The following PLXNC1 variants were observed in gnomAD, a reference collection of about 807,000 sequenced individuals.
PLXNC1 encodes plexin-C1.
A neutral mutation model predicts 178.2 loss-of-function variants in PLXNC1; 75 were observed. The ratio of observed to expected loss-of-function variants is 0.42; its 90% CI spans 0.35 to 0.51. PLXNC1 has a LOEUF of 0.51. PLXNC1 is among the 20% of genes least tolerant of loss of function. The probability of loss-of-function intolerance (pLI) is 0.02; values close to 1 mark genes in which losing one functional copy is unlikely to be tolerated. For missense variants in PLXNC1, 1,503 were observed against 1,984.4 expected (o/e 0.76, Z 4.61); for synonymous variants, 790 against 779.9 (o/e 1.01, Z -0.22).
chr12:94,192,441 A>T (rs1592750639), intron 4 of PLXNC1, among the ~76,000 whole-genome samples: 1 of 151,550 alleles, frequency 6.6e-6, no homozygotes, highest in East Asian at 1.9e-4. Flanking sequence ...AATGTGTATC[A>T]GTTAGGTTTC....
intron 21 of PLXNC1, among the ~76,000 whole-genome samples, chr12:94,274,146 C>A (rs550110781): frequency 4.7e-4 from 53 of 113,576 alleles, no homozygotes; most frequent in African/African-American, 1.9e-3. Flanking sequence ...CACAGCAAGA[C>A]CCTGTCTCTA....
intron 9 of PLXNC1, among the ~76,000 whole-genome samples, chr12:94,230,072 T>C (rs553074417): frequency 1.2e-4 from 19 of 152,322 alleles, no homozygotes; most frequent in African/African-American, 3.6e-4. Context: ...CAGGTTGCCC[T>C]TTCACAGTCG....
chr12:94,184,985 G>A (rs73364619), intron 3 of PLXNC1, among the ~76,000 whole-genome samples: 4,084 of 152,276 alleles, frequency 0.027, 206 homozygotes, highest in African/African-American at 0.094. Flanking sequence ...TTGCATAATA[G>A]CAGTAACCAA....
intron 7 of PLXNC1, 33 bp downstream of exon 7, chr12:94,224,348 C>T (rs533983148): frequency 9.9e-6 from 11 of 1,106,842 alleles, no homozygotes; most frequent in Non-Finnish European, 1.4e-5. Context: ...AATATTCTCT[C>T]GTTGATCTTA....
intron 1 of PLXNC1, among the ~76,000 whole-genome samples, chr12:94,158,638 A>G (rs993976597): frequency 3.9e-5 from 6 of 152,212 alleles, no homozygotes; most frequent in Non-Finnish European, 7.3e-5. Flanking sequence ...CTCTACAAAA[A>G]TAAAAATAAA....
At chr12:94,277,548 G>A (rs1275376525) in intron 21 of PLXNC1, among the ~76,000 whole-genome samples, 1 of 152,152 alleles carries the variant, frequency 6.6e-6, no homozygotes, top group East Asian at 1.9e-4. Flanking sequence ...CATACACAGA[G>A]GTTACACAGC....
intron 21 of PLXNC1, among the ~76,000 whole-genome samples, chr12:94,268,197 C>T (rs1965361269): frequency 6.6e-6 from 1 of 152,196 alleles, no homozygotes; most frequent in Non-Finnish European, 1.5e-5. Context: ...TTTCACACCT[C>T]TCAGATGAGG....
At chr12:94,274,326 C>G (rs761261308) in intron 21 of PLXNC1, among the ~76,000 whole-genome samples, 10 of 151,994 alleles carry the variant, frequency 6.6e-5, no homozygotes, top group Non-Finnish European at 1.3e-4. Flanking sequence ...GAGTGAGACC[C>G]TGTCTATTAA....
Position 94,160,260 on chromosome 12 carries a change from A to G in PLXNC1, c.1063-8893A>G, listed in dbSNP as rs926704475. Among the ~76,000 whole-genome samples, 7 of 152,130 alleles carry G rather than the reference A, an allele frequency of 4.6e-5. No homozygotes were observed. In the East Asian group the frequency reaches 1.3e-3, roughly 29 times the overall value. On this transcript the variant is annotated intron_variant, in intron 1 of 30. Coordinates refer to ENST00000258526, the MANE Select transcript of PLXNC1 (RefSeq NM_005761.3). Reference sequence around the variant, plus strand: ...ACACATGGTGAGTGAGCCCTCAGTAAGTGTTTCTAGAACTGGAAAAAAGGT... The same window carrying G: ...ACACATGGTGAGTGAGCCCTCAGTAGGTGTTTCTAGAACTGGAAAAAAGGT...
At chr12:94,209,237 C>A (rs1030604999) in intron 4 of PLXNC1, among the ~76,000 whole-genome samples, 1 of 152,126 alleles carries the variant, frequency 6.6e-6, no homozygotes, top group Non-Finnish European at 1.5e-5. Flanking sequence ...CTGTTCTTTG[C>A]TAGGCATTTC....
intron 6 of PLXNC1, among the ~76,000 whole-genome samples, chr12:94,220,627 C>G (rs1162710982): frequency 1.3e-5 from 2 of 152,150 alleles, no homozygotes; most frequent in Non-Finnish European, 2.9e-5. Flanking sequence ...GTGACTCCCC[C>G]TTGCCCCTAA....
chr12:94,259,911 AAAAG>A (rs1236463967), intron 19 of PLXNC1, among the ~76,000 whole-genome samples, 177 bp downstream of exon 19: 18 of 152,250 alleles, frequency 1.2e-4, no homozygotes, highest in South Asian at 4.1e-4. Context: ...AAAAAAAAAA[AAAAG>A]AGAGAGAAAT....
chr12:94,249,719 T>G (rs1253629812), intron 14 of PLXNC1, among the ~76,000 whole-genome samples: 5 of 152,078 alleles, frequency 3.3e-5, no homozygotes, highest in Non-Finnish European at 5.9e-5. Context: ...GTTCCCACCT[T>G]TCCTGTTAGT....
intron 4 of PLXNC1, among the ~76,000 whole-genome samples, chr12:94,195,483 C>G (rs1962881890): frequency 6.6e-6 from 1 of 152,154 alleles, no homozygotes; most frequent in South Asian, 2.1e-4. Flanking sequence ...AAAATGGGCC[C>G]TACAGGAAAG....
In PLXNC1 at chr12:94,161,630, C is replaced by T. The variant is rs149505852; in HGVS notation, c.1063-7523C>T. On this transcript the variant is annotated intron_variant, in intron 1 of 30. Transcript: ENST00000258526. ...GAGCACACCTAAAGTACTGTGTTTACTTCTTAGAAGCACATTTTAAGTACA... is the reference window on the plus strand; with the variant it reads ...GAGCACACCTAAAGTACTGTGTTTATTTCTTAGAAGCACATTTTAAGTACA... 1.2e-3 allele frequency among the ~76,000 whole-genome samples: 181 copies of T among 152,292 alleles called. 1 individual carries two copies. The highest frequency in any genetic ancestry group is 3.4e-3 in the Middle Eastern group (1 of 294).
intron 11 of PLXNC1, among the ~76,000 whole-genome samples, chr12:94,242,799 A>G (rs902893205): frequency 8.5e-5 from 13 of 152,204 alleles, no homozygotes; most frequent in East Asian, 1.9e-4. Context: ...CAACAAATTT[A>G]TGAGATCTGC....
intron 4 of PLXNC1, among the ~76,000 whole-genome samples, chr12:94,195,360 C>T (rs527920426): frequency 3.9e-5 from 6 of 152,172 alleles, no homozygotes; most frequent in African/African-American, 7.2e-5. Context: ...GGCTATTCTC[C>T]GAATTCATGT....
intron 23 of PLXNC1, among the ~76,000 whole-genome samples, chr12:94,289,234 T>C (rs1049522958): frequency 6.6e-6 from 1 of 152,216 alleles, no homozygotes; most frequent in Non-Finnish European, 1.5e-5. Context: ...AAGTTGTTGA[T>C]ATGGGTCTTT....
intron 21 of PLXNC1, among the ~76,000 whole-genome samples, chr12:94,276,065 T>A (rs762299743): frequency 3.3e-5 from 5 of 152,204 alleles, no homozygotes; most frequent in Non-Finnish European, 7.3e-5. Context: ...AAGGGTGTTT[T>A]TTCTTTTGGT....
Sources: allele counts gnomAD v4.1 joint callset (sites outside exome capture counted in the v4.1 genomes callset), GRCh38; gene constraint gnomAD v4.1.1; transcripts MANE v1.5; gene names NCBI Gene and HGNC (gene_info 2026-07-23, HGNC 2026-07-21).